Variants in PPP1R14C observed in about 807,000 individuals in gnomAD.
The protein encoded by PPP1R14C is protein phosphatase 1 regulatory inhibitor subunit 14C.
A neutral mutation model predicts 20.4 loss-of-function variants in PPP1R14C; 16 were observed. That is an observed-to-expected ratio of 0.78 (90% CI 0.53 to 1.19). The LOEUF is 1.19. Ranked by LOEUF, PPP1R14C falls within the 50% of genes most tolerant of loss-of-function variation. PPP1R14C has a pLI of 0.00. For synonymous variants in PPP1R14C, 91 were observed against 91.0 expected, an observed-to-expected ratio of 1.00 and a Z score of 0.00; for missense variants, 211 against 220.1, an observed-to-expected ratio of 0.96 and a Z score of 0.26.
In PPP1R14C at chr6:150,222,765, C is replaced by CTTTTTTTTTTTTTTTT. The variant is rs4038164; in HGVS notation, c.423+5918_423+5933dup. Among the ~76,000 whole-genome samples the CTTTTTTTTTTTTTTTT allele has an allele frequency of 7.0e-5, 5 of 71,280 alleles. 1 individual carries two copies. Among genetic ancestry groups the CTTTTTTTTTTTTTTTT allele is most frequent in the African/African-American group, 1.8e-4 (3 of 16,954 alleles). The allele number at this position is 71,280 out of a possible 152,430, so 46.8% of individuals were successfully genotyped here. On this transcript the variant is annotated intron_variant, in intron 3 of 3. Coordinates refer to ENST00000361131, the MANE Select transcript of PPP1R14C (RefSeq NM_030949.3). ...AACATTTGAAGCCTTTTCAAACTGGCTTTTTTTTTTTTTTTTTTTTTTTTG... is the reference window on the plus strand; with the variant it reads ...AACATTTGAAGCCTTTTCAAACTGGCTTTTTTTTTTTTTTTTTTTTTTTTTTTTTTTTTTTTTTTTG...
chr6:150,151,594 T>C (rs898846376), intron 1 of PPP1R14C, among the ~76,000 whole-genome samples: 2 of 152,250 alleles, frequency 1.3e-5, no homozygotes, highest in African/African-American at 4.8e-5. Context: ...TTTCTACTAC[T>C]GCTGGGACTA....
At chr6:150,172,764 C>A (rs1009733712) in intron 1 of PPP1R14C, among the ~76,000 whole-genome samples, 2 of 151,962 alleles carry the variant, frequency 1.3e-5, no homozygotes, top group Non-Finnish European at 1.5e-5. Context: ...GTGGGGAGAC[C>A]GACTGGGGAC....
intron 1 of PPP1R14C, among the ~76,000 whole-genome samples, chr6:150,197,960 C>G (rs539111728): frequency 4.5e-4 from 35 of 78,196 alleles, no homozygotes; most frequent in Admixed American, 7.4e-4. Context: ...TGTGCCCCTG[C>G]CCGTCACGGT....
intron 1 of PPP1R14C, among the ~76,000 whole-genome samples, chr6:150,153,506 T>C (rs929771154): frequency 1.3e-5 from 2 of 152,240 alleles, no homozygotes; most frequent in East Asian, 3.8e-4. Flanking sequence ...GAATTGCTTA[T>C]TTCTATGTGA....
intron 1 of PPP1R14C, among the ~76,000 whole-genome samples, chr6:150,190,723 C>T (rs946864927): frequency 6.6e-6 from 1 of 152,148 alleles, no homozygotes; most frequent in African/African-American, 2.4e-5. Flanking sequence ...CCACACCCAG[C>T]GTATTTTGCA....
intron 1 of PPP1R14C, among the ~76,000 whole-genome samples, chr6:150,152,673 C>T (rs905664631): frequency 1.1e-4 from 17 of 152,148 alleles, no homozygotes; most frequent in Non-Finnish European, 2.2e-4. Context: ...TTCTCTGATC[C>T]ATCTCCTGCT....
chr6:150,143,178 C>T lies in PPP1R14C; in HGVS notation c.-15C>T, dbSNP rs1466259286. The T allele has an allele frequency of 3.8e-6, 5 of 1,315,422 alleles. No homozygotes were observed. The African/African-American group carries it at 7.8e-5, about 21-fold the overall frequency. 81.5% of individuals were successfully genotyped at this position (1,315,422 alleles called of 1,614,324 possible). A position where few individuals can be genotyped will look rare whatever the true frequency, so the allele number is the denominator to read the frequency against. On this transcript the variant is annotated 5_prime_UTR_variant, in exon 1 of 4. Coordinates refer to ENST00000361131, the MANE Select transcript of PPP1R14C (RefSeq NM_030949.3). The surrounding 1 kb of genome is among the most constrained non-coding windows in gnomAD (Gnocchi z 5.6). ...CCCTCCTCCGGGCCGCACTGAGGCT[C>T]GGGCGCGCGGGGACATGTCGGTGGC...
chr6:150,194,909 C>G, intron 1 of PPP1R14C: 1 of 985,322 alleles, frequency 1.0e-6, no homozygotes, highest in Non-Finnish European at 1.2e-6. Context: ...TGACTCAGTT[C>G]ATAAATATGA....
chr6:150,208,658 G>A (rs1466746344), intron 1 of PPP1R14C, among the ~76,000 whole-genome samples: 2 of 152,154 alleles, frequency 1.3e-5, no homozygotes, highest in Non-Finnish European at 2.9e-5. Context: ...TTTGTCACTG[G>A]AATTAGGTAC....
chr6:150,152,119 CAAAAAAAAAAA>C (rs577869928), intron 1 of PPP1R14C, among the ~76,000 whole-genome samples: 7 of 85,006 alleles, frequency 8.2e-5, no homozygotes, highest in African/African-American at 1.1e-4. Context: ...GACTCCGTCT[CAAAAAAAAAAA>C]AAAAAAAAAA....
chr6:150,147,602 C>A (rs1232194460), intron 1 of PPP1R14C, among the ~76,000 whole-genome samples: 1 of 152,234 alleles, frequency 6.6e-6, no homozygotes, highest in East Asian at 1.9e-4. Flanking sequence ...AAGATAACAT[C>A]TGTACTTCCA....
At chr6:150,145,821 C>A (rs1777174281) in intron 1 of PPP1R14C, among the ~76,000 whole-genome samples, 1 of 152,200 alleles carries the variant, frequency 6.6e-6, no homozygotes, top group African/African-American at 2.4e-5. Flanking sequence ...AACCTCAAAC[C>A]TGCCAAAGGC....
At chr6:150,174,361 C>T (rs112406692) in intron 1 of PPP1R14C, among the ~76,000 whole-genome samples, 27 of 152,008 alleles carry the variant, frequency 1.8e-4, no homozygotes, top group South Asian at 4.2e-4. Flanking sequence ...CTGGGACTAC[C>T]GGTGCCCCCC....
chr6:150,214,957 A>G (rs1778072434), intron 2 of PPP1R14C, 130 bp downstream of exon 2: 2 of 642,264 alleles, frequency 3.1e-6, no homozygotes, highest in Non-Finnish European at 5.4e-6. Flanking sequence ...CCATTTGCAG[A>G]GAGGAAAGCA....
intron 1 of PPP1R14C, among the ~76,000 whole-genome samples, chr6:150,144,164 T>C (rs1889551): frequency 0.16 from 23,797 of 152,150 alleles, 2,081 homozygotes; most frequent in African/African-American, 0.24. Context: ...GTTACTCCCA[T>C]TGATGGGCGC....
chr6:150,200,291 A>G (rs1391477035), intron 1 of PPP1R14C, among the ~76,000 whole-genome samples: 15 of 152,156 alleles, frequency 9.9e-5, no homozygotes, highest in Admixed American at 9.2e-4. Context: ...TCTGAAGTAC[A>G]GGATTTTAAA....
At position 150,201,710 on chromosome 6, in the gene PPP1R14C, G is replaced by A. The variant is rs1777879745; in HGVS notation, c.307-13034G>A. ...AAACTGGGATGGCGGAGGCATGAGGGTGAGTTTATGGAAGCCAGTTAAGAG... is the reference window on the plus strand; with the variant it reads ...AAACTGGGATGGCGGAGGCATGAGGATGAGTTTATGGAAGCCAGTTAAGAG... On this transcript the variant is annotated intron_variant, in intron 1 of 3. Coordinates refer to ENST00000361131, the MANE Select transcript of PPP1R14C (RefSeq NM_030949.3). This position sits in a 1 kb window ranked among gnomAD's most constrained non-coding sequence, Gnocchi z 4.2. Among the ~76,000 whole-genome samples, 1 of 152,180 alleles carries A rather than the reference G, an allele frequency of 6.6e-6. No homozygotes were observed. Among genetic ancestry groups the A allele is most frequent in the South Asian group, 2.1e-4 (1 of 4,834 alleles).
intron 1 of PPP1R14C, chr6:150,196,277 C>T (rs1464454305): frequency 3.6e-6 from 1 of 276,870 alleles, no homozygotes; most frequent in Non-Finnish European, 5.5e-6. Flanking sequence ...TCTGTGTAAG[C>T]TTGCTGGTTC....
chr6:150,145,127 G>A (rs1318850887), intron 1 of PPP1R14C, among the ~76,000 whole-genome samples: 1 of 152,138 alleles, frequency 6.6e-6, no homozygotes, highest in Admixed American at 6.5e-5. Flanking sequence ...AAGCTAGAAA[G>A]AGCTCTACCC....
Sources: allele counts gnomAD v4.1 joint callset (sites outside exome capture counted in the v4.1 genomes callset), GRCh38; gene constraint gnomAD v4.1.1; non-coding constraint Gnocchi (gnomAD v3.1); transcripts MANE v1.5; gene names NCBI Gene and HGNC (gene_info 2026-07-23, HGNC 2026-07-21).